TENM2: variants seen among roughly 807,000 people sequenced by gnomAD.
TENM2 encodes the protein teneurin-2.
TENM2 carries 52 observed loss-of-function variants against 245.2 expected under a neutral mutation model. The observed-to-expected ratio is 0.21, with a 90% CI of 0.17 to 0.27. The LOEUF is 0.27. Ranked by LOEUF, TENM2 falls within the 10% of genes least tolerant of loss-of-function variation. TENM2 has a pLI of 1.00. For missense variants in TENM2, 3,046 were observed against 3,666.8 expected, an observed-to-expected ratio of 0.83 and a Z score of 4.37; for synonymous variants, 1,363 against 1,438.9, an observed-to-expected ratio of 0.95 and a Z score of 1.19.
chr5:168,025,955 G>T (rs181438467), intron 5 of TENM2, among the ~76,000 whole-genome samples: 4 of 152,256 alleles, frequency 2.6e-5, no homozygotes, highest in African/African-American at 9.6e-5. Context: ...CTATCTCCCT[G>T]GCTATGAAGG....
chr5:168,127,065 C>T, intron 12 of TENM2, 99 bp downstream of exon 14: 4 of 1,010,112 alleles, frequency 4.0e-6, no homozygotes, highest in Admixed American at 2.2e-5. Flanking sequence ...TCCCACATTT[C>T]CTGCTGCCCC....
At chr5:167,998,154 AT>A (rs1302849203) in intron 5 of TENM2, among the ~76,000 whole-genome samples, 3 of 152,226 alleles carry the variant, frequency 2.0e-5, no homozygotes, top group Non-Finnish European at 2.9e-5. Context: ...GCTCCAATCC[AT>A]GGATAGAGTG....
At chr5:167,643,383 G>A (rs549286710) in intron 2 of TENM2, among the ~76,000 whole-genome samples, 22 of 152,180 alleles carry the variant, frequency 1.4e-4, no homozygotes, top group African/African-American at 4.6e-4. Context: ...GTATGCGGTC[G>A]CTTGTGTCTA....
chr5:167,316,459 A>G (rs898140543), intron 1 of TENM2, among the ~76,000 whole-genome samples: 2 of 152,258 alleles, frequency 1.3e-5, no homozygotes, highest in Admixed American at 6.5e-5. Context: ...TCTTGTAATC[A>G]TATCTGCCTA....
At chr5:167,896,553 A>T (rs1023849688) in intron 3 of TENM2, among the ~76,000 whole-genome samples, 3 of 152,204 alleles carry the variant, frequency 2.0e-5, no homozygotes, top group Non-Finnish European at 4.4e-5. Context: ...TACAAAGAGG[A>T]TTGAAACACT....
chr5:167,088,458 C>A, the TENM2 span, among the ~76,000 whole-genome samples: 1 of 151,922 alleles, frequency 6.6e-6, no homozygotes, highest in Non-Finnish European at 1.5e-5. Context: ...GAAACCTGCT[C>A]TCTACTAAAA....
the TENM2 span, among the ~76,000 whole-genome samples, chr5:167,158,846 CCCTTCCTTCCTTCCTTCCTTCCTT>C: frequency 4.6e-5 from 4 of 86,028 alleles, no homozygotes; most frequent in East Asian, 3.4e-4. Context: ...TCCATAGCAG[CCCTTCCTTCCTTCCTTCCTTCCTT>C]CCTTCCTTCC....
chr5:168,247,829 G>A lies in TENM2; in HGVS notation c.6890G>A (p.Ser2297Asn), dbSNP rs1766733335. Residue 2297 changes from serine to asparagine, a missense_variant, in exon 27 of 29, where the codon AGT becomes AAT. Transcript: ENST00000518659. This position sits in a 1 kb window ranked among gnomAD's most constrained non-coding sequence, Gnocchi z 7.8. ...GCCTACAACAAGGCCAGCGGGTGGA[G>A]TGTCCAGTACCGCTATGATGGCGTA... 6.2e-6 allele frequency: 10 copies of A among 1,614,026 alleles called. No individual in the cohort carries two copies. Among genetic ancestry groups the A allele is most frequent in the African/African-American group, 1.3e-5 (1 of 75,066 alleles).
chr5:167,834,487 T>C (rs1768789564), intron 2 of TENM2, among the ~76,000 whole-genome samples: 2 of 152,196 alleles, frequency 1.3e-5, no homozygotes, highest in South Asian at 4.1e-4. Context: ...CCATTGTGTA[T>C]TTGAAGCTGA....
At chr5:167,462,571 G>C (rs544789305) in intron 2 of TENM2, among the ~76,000 whole-genome samples, 1 of 152,192 alleles carries the variant, frequency 6.6e-6, no homozygotes, top group South Asian at 2.1e-4. Context: ...GATGGATGGG[G>C]AGCTGGAAAG....
At chr5:168,043,049 AACT>A (rs1044300379) in intron 5 of TENM2, among the ~76,000 whole-genome samples, 3 of 152,014 alleles carry the variant, frequency 2.0e-5, no homozygotes, top group Non-Finnish European at 4.4e-5. Flanking sequence ...GGGCCTCCCA[AACT>A]CATTTCACTT....
the TENM2 span, among the ~76,000 whole-genome samples, chr5:167,167,155 C>T: frequency 6.6e-6 from 1 of 152,132 alleles, no homozygotes; most frequent in South Asian, 2.1e-4. Flanking sequence ...GTTGGGAAGA[C>T]ACAAAGCCAT....
At chr5:167,680,660 C>A (rs1289131259) in intron 2 of TENM2, among the ~76,000 whole-genome samples, 1 of 152,022 alleles carries the variant, frequency 6.6e-6, no homozygotes, top group East Asian at 1.9e-4. Flanking sequence ...ACGACGGTGG[C>A]CCAGATTAGC....
chr5:167,526,629 G>C (rs561588159), intron 2 of TENM2, among the ~76,000 whole-genome samples: 1 of 151,818 alleles, frequency 6.6e-6, no homozygotes, highest in East Asian at 1.9e-4. Flanking sequence ...TTATTAAAAA[G>C]TTATTTTATA....
the TENM2 span, among the ~76,000 whole-genome samples, chr5:167,107,539 A>ATT: frequency 6.6e-6 from 1 of 152,178 alleles, no homozygotes; most frequent in Non-Finnish European, 1.5e-5. Context: ...TTTACAAAAA[A>ATT]TTTTTCTTAA....
chr5:167,582,110 G>T (rs1425136869), intron 2 of TENM2, among the ~76,000 whole-genome samples: 1 of 152,100 alleles, frequency 6.6e-6, no homozygotes, highest in African/African-American at 2.4e-5. Flanking sequence ...GGAAAAACCA[G>T]GCTAGGGTTT....
At chr5:167,196,793 A>T in the TENM2 span, among the ~76,000 whole-genome samples, 1 of 151,890 alleles carries the variant, frequency 6.6e-6, no homozygotes, top group Non-Finnish European at 1.5e-5. Flanking sequence ...GTCACTAGAG[A>T]GGATTTGAAG....
At chr5:168,142,341 C>T (rs1452176176) in intron 12 of TENM2, among the ~76,000 whole-genome samples, 1 of 152,224 alleles carries the variant, frequency 6.6e-6, no homozygotes, top group African/African-American at 2.4e-5. Context: ...GATCTCAGTG[C>T]TCCTGGAATG....
chr5:167,185,711 CA>C, the TENM2 span, among the ~76,000 whole-genome samples: 11 of 148,592 alleles, frequency 7.4e-5, no homozygotes, highest in Admixed American at 6.0e-4. Context: ...TCTTGAAGGT[CA>C]TTTTTTTTTT....
Sources: allele counts gnomAD v4.1 joint callset (sites outside exome capture counted in the v4.1 genomes callset), GRCh38; gene constraint gnomAD v4.1.1; non-coding constraint Gnocchi (gnomAD v3.1); transcripts MANE v1.5; gene names NCBI Gene and HGNC (gene_info 2026-07-23, HGNC 2026-07-21).